TRIM58: variants seen among roughly 807,000 people sequenced by gnomAD.
TRIM58 encodes E3 ubiquitin-protein ligase TRIM58.
A neutral mutation model predicts 34.1 loss-of-function variants in TRIM58; 38 were observed. That is an observed-to-expected ratio of 1.12 (90% CI 0.86 to 1.46). TRIM58 has a LOEUF of 1.46. TRIM58 is among the 40% of genes most tolerant of loss of function. TRIM58 has a pLI of 0.00. For synonymous variants in TRIM58, 273 were observed against 275.7 expected (o/e 0.99, Z 0.10); for missense variants, 677 against 642.0 (o/e 1.05, Z -0.59).
chr1:247,857,189 A>G lies in TRIM58; in HGVS notation c.-58A>G, dbSNP rs1314341793. On this transcript the variant is annotated 5_prime_UTR_variant, in exon 1 of 6. Transcript: ENST00000366481. ...GGGGCGTGGGCTCCTCCCCCTGTGC[A>G]GACCGCGAGGGGAGACGGTGCGGGC... 5.4e-6 allele frequency: 7 copies of G among 1,297,342 alleles called. No homozygotes were observed. The highest frequency in any genetic ancestry group is 6.9e-6 in the Non-Finnish European group (7 of 1,019,516). The allele number at this position is 1,297,342 out of a possible 1,614,324, so 80.4% of individuals were successfully genotyped here.
chr1:247,861,936 C>T (rs1165569190), intron 2 of TRIM58, among the ~76,000 whole-genome samples: 1 of 151,738 alleles, frequency 6.6e-6, no homozygotes, highest in African/African-American at 2.4e-5. Flanking sequence ...CCAGCCTGAC[C>T]AACACGGAGA....
In TRIM58 at chr1:247,876,212, T is replaced by C. The variant is rs1362262709; in HGVS notation, c.1184T>C (p.Leu395Pro). 1.2e-6 allele frequency: 2 copies of C among 1,614,238 alleles called. No homozygotes were observed. The highest frequency in any genetic ancestry group is 3.3e-5 in the Admixed American group (2 of 60,030). Residue 395 changes from leucine (L) to proline (P), a missense_variant, in exon 6 of 6, where the codon CTT becomes CCT. Coordinates refer to ENST00000366481, the MANE Select transcript of TRIM58 (RefSeq NM_015431.4). The stretch of plus-strand genomic sequence containing the variant: ...CTGAAAGGGAATGAGTACATGGTCC[T>C]TGCCTCCCCATCAGTGCCTCTTCTC... ...WLLKGNEYMV[L>P]ASPSVPLLQL...
At chr1:247,859,144 T>C (rs1268596415) in intron 1 of TRIM58, among the ~76,000 whole-genome samples, 1 of 152,180 alleles carries the variant, frequency 6.6e-6, no homozygotes, top group Non-Finnish European at 1.5e-5. Context: ...CCTGAGCCTC[T>C]CAGTGAAAGC....
At chr1:247,873,863 G>T (rs998450163) in intron 5 of TRIM58, among the ~76,000 whole-genome samples, 2 of 152,158 alleles carry the variant, frequency 1.3e-5, no homozygotes, top group Non-Finnish European at 2.9e-5. Flanking sequence ...CTACTCAGAG[G>T]GCTGAGGTCA....
intron 5 of TRIM58, among the ~76,000 whole-genome samples, chr1:247,873,765 C>G (rs972355219): frequency 6.6e-6 from 1 of 151,998 alleles, no homozygotes; most frequent in Admixed American, 6.5e-5. Context: ...CCCAGGAGTT[C>G]GAGACCAGCC....
intron 1 of TRIM58, among the ~76,000 whole-genome samples, chr1:247,858,162 C>T (rs1361160038): frequency 1.3e-5 from 2 of 152,214 alleles, no homozygotes; most frequent in East Asian, 1.9e-4. Flanking sequence ...GAGCTGGGTA[C>T]GGGTTCCGAC....
intron 2 of TRIM58, among the ~76,000 whole-genome samples, 154 bp downstream of exon 2, chr1:247,860,866 C>T (rs1412682111): frequency 6.6e-6 from 1 of 152,106 alleles, no homozygotes; most frequent in Admixed American, 6.6e-5. Flanking sequence ...CATCCCGTCC[C>T]CTCAAATGAT....
In TRIM58 at chr1:247,864,609, G is replaced by A. The variant is rs1663874358; in HGVS notation, c.517-96G>A. On this transcript the variant is annotated intron_variant, in intron 2 of 5. Coordinates refer to ENST00000366481, the MANE Select transcript of TRIM58 (RefSeq NM_015431.4). The stretch of plus-strand genomic sequence containing the variant: ...ACCAGTGAGTCCACAGAGTTACGGA[G>A]CCCGGGGAAGTCTGGACATTACCTT... 1.3e-5 allele frequency: 17 copies of A among 1,318,794 alleles called. No homozygotes were observed. The South Asian group carries it at 2.0e-4, about 15-fold the overall frequency. The allele number at this position is 1,318,794 out of a possible 1,614,324, so 81.7% of individuals were successfully genotyped here. A position where few individuals can be genotyped will look rare whatever the true frequency, so the allele number is the denominator to read the frequency against.
intron 5 of TRIM58, among the ~76,000 whole-genome samples, chr1:247,869,505 T>C (rs557935624): frequency 2.8e-4 from 43 of 152,238 alleles, no homozygotes; most frequent in Non-Finnish European, 4.9e-4. Flanking sequence ...GTAAACAGGA[T>C]ATAGACCAAA....
At chr1:247,864,515 A>G (rs1367270210) in intron 2 of TRIM58, among the ~76,000 whole-genome samples, 190 bp from the exon 3 acceptor site, 12 of 152,238 alleles carry the variant, frequency 7.9e-5, no homozygotes, top group African/African-American at 2.9e-4. Flanking sequence ...TTTTAAACTT[A>G]ATTTGAAAAC....
chr1:247,867,958 C>T lies in TRIM58; in HGVS notation c.771-5C>T, dbSNP rs199894550. On this transcript the variant is annotated splice_polypyrimidine_tract_variant and splice_region_variant and intron_variant, in intron 4 of 5. Coordinates refer to ENST00000366481, the MANE Select transcript of TRIM58 (RefSeq NM_015431.4). ...TGACTTCTGTGGTTTCTGTGCTCTT[C>T]CCAGAAGTAAGGCTGTCACAAGGCT... The T allele has an allele frequency of 3.7e-6, 6 of 1,613,188 alleles. No homozygotes were observed. In the East Asian group the frequency reaches 8.9e-5, roughly 24 times the overall value.
intron 2 of TRIM58, among the ~76,000 whole-genome samples, chr1:247,862,203 A>C (rs1287691175): frequency 1.3e-5 from 2 of 152,206 alleles, no homozygotes; most frequent in Non-Finnish European, 2.9e-5. Context: ...GGAAAGGATA[A>C]AAGTTATCAA....
intron 5 of TRIM58, among the ~76,000 whole-genome samples, chr1:247,870,953 C>T (rs1169982124): frequency 3.9e-5 from 4 of 103,592 alleles, no homozygotes; most frequent in Admixed American, 1.0e-4. Context: ...CCCAGAAGAA[C>T]GAGGATTAGT....
chr1:247,861,167 C>A (rs1248145133), intron 2 of TRIM58, among the ~76,000 whole-genome samples: 1 of 152,034 alleles, frequency 6.6e-6, no homozygotes, highest in East Asian at 1.9e-4. Flanking sequence ...TACACATATT[C>A]CATTTTTTTA....
At position 247,857,343 on chromosome 1, in the gene TRIM58, C is replaced by A; in HGVS notation, c.97C>A (p.His33Asn). The change falls in exon 1 of 6, where the codon CAC (histidine) becomes AAC (asparagine). Residue 33 changes from histidine to asparagine, a missense_variant. His to Asn is a moderately conservative substitution (Grantham distance 68). Transcript: ENST00000366481. ...LQEPVSVDCGHSFCLRCISEF... is the reference protein window; with the variant it reads ...LQEPVSVDCGNSFCLRCISEF... ...GGAGCCGGTCAGCGTGGACTGCGGC[C>A]ACAGCTTCTGCCTCAGGTGCATCTC... The A allele has an allele frequency of 1.3e-6, 2 of 1,506,638 alleles. No individual in the cohort carries two copies. The highest frequency in any genetic ancestry group is 2.1e-5 in the Admixed American group (1 of 47,100). The allele number at this position is 1,506,638 out of a possible 1,614,324, so 93.3% of individuals were successfully genotyped here.
Position 247,864,697 on chromosome 1 carries a change from C to T in TRIM58, c.517-8C>T, listed in dbSNP as rs776114293. The T allele has an allele frequency of 7.4e-6, 12 of 1,613,574 alleles. No individual in the cohort carries two copies. In the Admixed American group the frequency reaches 1.7e-4, roughly 22 times the overall value. On this transcript the variant is annotated splice_region_variant and splice_polypyrimidine_tract_variant and intron_variant, in intron 2 of 5. Transcript: ENST00000366481. ...GCACTGACGATGTGATCCACGGTGT[C>T]ACCTCAGGAGAAAGTGGAAATGCAG...
Position 247,857,516 on chromosome 1 carries a change from G to T in TRIM58, c.270G>T (p.Gly90=). 1 of 1,287,758 alleles carries T rather than the reference G, an allele frequency of 7.8e-7. No individual in the cohort carries two copies. The highest frequency in any genetic ancestry group is 3.1e-5 in the East Asian group (1 of 31,826). The allele number at this position is 1,287,758 out of a possible 1,614,324, so 79.8% of individuals were successfully genotyped here. A position where few individuals can be genotyped will look rare whatever the true frequency, so the allele number is the denominator to read the frequency against. ...ESVRRLGLGA[G]PGARRCARHG... ...TGCGGCGGCTGGGGTTGGGCGCGGG[G>T]CCCGGGGCGCGGCGATGCGCGCGGC... The change falls in exon 1 of 6, where the codon GGG becomes GGT. Residue 90 remains glycine, a synonymous_variant. Transcript: ENST00000366481.
chr1:247,857,767 C>T (rs1172365867), intron 1 of TRIM58, 101 bp downstream of exon 1: 1 of 1,188,616 alleles, frequency 8.4e-7, no homozygotes, highest in Admixed American at 4.5e-5. Context: ...CTGAGCGGCT[C>T]CCACGGCCGC....
chr1:247,875,753 C>T, intron 5 of TRIM58, 147 bp from the exon 6 acceptor site: 2 of 617,882 alleles, frequency 3.2e-6, no homozygotes, highest in Non-Finnish European at 5.4e-6. Flanking sequence ...AAGATTTCAC[C>T]TGTAAGGTGA....
Sources: gnomAD v4.1 joint callset for allele counts (sites outside exome capture counted in the v4.1 genomes callset) on GRCh38, gnomAD v4.1.1 for gene constraint, MANE v1.5 for transcripts, NCBI Gene and HGNC (gene_info 2026-07-23, HGNC 2026-07-21) for gene names.